The following CTNNA2 variants were observed in gnomAD, a reference collection of about 807,000 sequenced individuals.
CTNNA2 encodes catenin alpha 2, also known as catenin alpha-2.
Under a neutral mutation model 101.0 loss-of-function variants are expected in CTNNA2, and 42 were observed. The observed-to-expected ratio is 0.42, with a 90% CI of 0.32 to 0.54. The LOEUF (loss-of-function observed/expected upper bound fraction) is 0.54, where lower values mean the gene tolerates loss of function less well. CTNNA2 is among the 20% of genes least tolerant of loss of function. The pLI is 0.14. For missense variants in CTNNA2, 871 were observed against 1,223.1 expected (o/e 0.71, Z 4.29); for synonymous variants, 450 against 456.4 (o/e 0.99, Z 0.18).
rs540231184 is a variant in CTNNA2 at position 80,634,111 on chromosome 2, C to T, written c.2575-13474C>T. Among the ~76,000 whole-genome samples, 71 of 152,222 alleles carry T rather than the reference C, an allele frequency of 4.7e-4. 1 individual carries two copies. The South Asian group carries it at 0.01, about 22-fold the overall frequency. ...CACCCATAAAATTACAATGCTTCAA[C>T]ATCTCGGCAAATATTTATGGAGGAC... is the stretch of plus-strand genomic sequence containing the variant. On this transcript the variant is annotated intron_variant, in intron 18 of 18. Coordinates refer to ENST00000402739, the MANE Select transcript of CTNNA2 (RefSeq NM_001282597.3).
At chr2:79,998,578 T>C (rs1692713767) in intron 7 of CTNNA2, among the ~76,000 whole-genome samples, 1 of 152,196 alleles carries the variant, frequency 6.6e-6, no homozygotes, top group Admixed American at 6.5e-5. Context: ...AGCCAAAGGC[T>C]TTTGCAAAGA....
chr2:80,593,617 C>G (rs541524283), intron 15 of CTNNA2, among the ~76,000 whole-genome samples: 6 of 152,268 alleles, frequency 3.9e-5, no homozygotes, highest in Non-Finnish European at 7.4e-5. Context: ...ACATGTTCAT[C>G]TTCCTCAACA....
At chr2:79,779,137 T>G (rs868513252) in intron 3 of CTNNA2, among the ~76,000 whole-genome samples, 12 of 152,322 alleles carry the variant, frequency 7.9e-5, no homozygotes, top group African/African-American at 2.2e-4. Flanking sequence ...GTTGTTGTTT[T>G]TTTTTTTTCC....
chr2:80,601,417 C>CTTTTTTT (rs375645223), intron 15 of CTNNA2, among the ~76,000 whole-genome samples: 1,255 of 94,046 alleles, frequency 0.013, 50 homozygotes, highest in African/African-American at 0.046. Context: ...TTCTTTCTTT[C>CTTTTTTT]TTTCTTTTTT....
At chr2:80,049,170 C>T (rs1158633887) in intron 7 of CTNNA2, among the ~76,000 whole-genome samples, 18 of 152,134 alleles carry the variant, frequency 1.2e-4, no homozygotes. Context: ...CTTAATATCT[C>T]TTTAAAATCA....
At chr2:80,469,702 C>T (rs1392204866) in intron 9 of CTNNA2, among the ~76,000 whole-genome samples, 2 of 152,016 alleles carry the variant, frequency 1.3e-5, no homozygotes, top group African/African-American at 4.8e-5. Context: ...TTGGGATGGG[C>T]ATAGACATGT....
chr2:80,306,403 T>TCTTTTC (rs1676980161), intron 7 of CTNNA2, among the ~76,000 whole-genome samples: 2 of 63,316 alleles, frequency 3.2e-5, no homozygotes, highest in East Asian at 8.2e-4. Flanking sequence ...TCTTTTCTTT[T>TCTTTTC]CTTTCTTTCT....
chr2:79,205,174 G>A (rs1157230145), intron 2 of CTNNA2, among the ~76,000 whole-genome samples: 3 of 152,118 alleles, frequency 2.0e-5, no homozygotes, highest in Admixed American at 6.5e-5. Flanking sequence ...GTGGCAGATT[G>A]GAGCTTCCAT....
rs752247835 is a variant in CTNNA2, at chr2:79,869,828, C to T, written c.478C>T (p.Leu160=). ...TTCACCACTGCAGGTGGAAGAGGCC[C>T]TGGAAGCTGTCAAAAATGCTACAAA... The part of the protein sequence containing the change: ...LSHLKIVEEA[L]EAVKNATNEQ... Residue 160 remains leucine, a synonymous_variant, in exon 5 of 19, where the codon CTG becomes TTG. Coordinates refer to ENST00000402739, the MANE Select transcript of CTNNA2 (RefSeq NM_001282597.3). The T allele has an allele frequency of 1.9e-6, 3 of 1,613,696 alleles. No homozygotes were observed. In the African/African-American group the frequency reaches 4.0e-5, roughly 22 times the overall value.
At chr2:80,205,847 G>A (rs929192067) in intron 7 of CTNNA2, among the ~76,000 whole-genome samples, 2 of 152,150 alleles carry the variant, frequency 1.3e-5, no homozygotes, top group Non-Finnish European at 2.9e-5. Flanking sequence ...CAAGAAAAAA[G>A]AGATACTTGT....
At chr2:79,856,953 A>C (rs1375897410) in intron 3 of CTNNA2, among the ~76,000 whole-genome samples, 2 of 152,334 alleles carry the variant, frequency 1.3e-5, no homozygotes, top group East Asian at 3.9e-4. Context: ...GACTAAAATA[A>C]TCTTCCAAAA....
At chr2:79,920,695 A>G (rs1686592782) in intron 7 of CTNNA2, among the ~76,000 whole-genome samples, 1 of 152,084 alleles carries the variant, frequency 6.6e-6, no homozygotes, top group Admixed American at 6.5e-5. Flanking sequence ...CTTCTTCATG[A>G]CTCACTATGC....
At chr2:79,822,082 A>G (rs1678055509) in intron 3 of CTNNA2, among the ~76,000 whole-genome samples, 1 of 152,216 alleles carries the variant, frequency 6.6e-6, no homozygotes, top group Non-Finnish European at 1.5e-5. Flanking sequence ...ACTTCAAAAC[A>G]AATTATCTGC....
intron 7 of CTNNA2, among the ~76,000 whole-genome samples, chr2:79,970,932 G>A (rs181634554): frequency 5.9e-5 from 9 of 152,278 alleles, no homozygotes; most frequent in African/African-American, 1.2e-4. Context: ...CAAGATTAAT[G>A]TGTCTGTGGA....
At chr2:79,566,956 A>G (rs1307682792) in intron 1 of CTNNA2, among the ~76,000 whole-genome samples, 1 of 152,298 alleles carries the variant, frequency 6.6e-6, no homozygotes, top group East Asian at 1.9e-4. Context: ...ATAAAATATC[A>G]AATGTTCAAC....
At chr2:79,919,515 T>C (rs1686505698) in intron 7 of CTNNA2, among the ~76,000 whole-genome samples, 1 of 152,144 alleles carries the variant, frequency 6.6e-6, no homozygotes, top group Non-Finnish European at 1.5e-5. Flanking sequence ...TAGCTGAGAT[T>C]GTTGACAGAG....
At chr2:79,376,682 G>T (rs1677979793) in intron 4 of CTNNA2, among the ~76,000 whole-genome samples, 2 of 151,916 alleles carry the variant, frequency 1.3e-5, no homozygotes, top group South Asian at 4.2e-4. Context: ...TCCCCTTGCT[G>T]TGTCCATGTG....
intron 2 of CTNNA2, among the ~76,000 whole-genome samples, chr2:79,257,097 C>A (rs926665537): frequency 2.0e-5 from 3 of 152,092 alleles, no homozygotes; most frequent in Non-Finnish European, 2.9e-5. Flanking sequence ...ATTGTTTCAG[C>A]CGCTGATACG....
intron 12 of CTNNA2, among the ~76,000 whole-genome samples, chr2:80,565,495 G>T (rs919058006): frequency 6.6e-6 from 1 of 151,992 alleles, no homozygotes; most frequent in African/African-American, 2.4e-5. Flanking sequence ...GCACTAATTG[G>T]TGTGCTGTGT....
Sources: gnomAD v4.1 joint callset for allele counts (sites outside exome capture counted in the v4.1 genomes callset) on GRCh38, gnomAD v4.1.1 for gene constraint, MANE v1.5 for transcripts, NCBI Gene and HGNC (gene_info 2026-07-23, HGNC 2026-07-21) for gene names.